PACRG: variants seen among roughly 807,000 people sequenced by gnomAD.
The protein encoded by PACRG is parkin coregulated.
A neutral mutation model predicts 29.7 loss-of-function variants in PACRG; 29 were observed. That is an observed-to-expected ratio of 0.98 (90% CI 0.73 to 1.33). PACRG has a LOEUF of 1.33. PACRG is among the 40% of genes most tolerant of loss of function. The probability of loss-of-function intolerance (pLI) is 0.00; values close to 1 mark genes in which losing one functional copy is unlikely to be tolerated. For synonymous variants in PACRG, 116 were observed against 118.7 expected, an observed-to-expected ratio of 0.98 and a Z score of 0.15; for missense variants, 279 against 316.2, an observed-to-expected ratio of 0.88 and a Z score of 0.89.
At chr6:162,881,908 T>C (rs1793886976) in intron 2 of PACRG, among the ~76,000 whole-genome samples, 1 of 111,754 alleles carries the variant, frequency 8.9e-6, no homozygotes, top group Non-Finnish European at 1.7e-5. Context: ...CTGAGGCCTC[T>C]CTCCACCAAG....
intron 4 of PACRG, among the ~76,000 whole-genome samples, chr6:163,246,531 T>C (rs1015060486): frequency 2.6e-5 from 4 of 152,192 alleles, no homozygotes; most frequent in African/African-American, 7.2e-5. Flanking sequence ...AATGTTTACA[T>C]AGCCGTTTGC....
chr6:162,774,498 A>T (rs1337933472), intron 1 of PACRG, among the ~76,000 whole-genome samples: 1 of 152,234 alleles, frequency 6.6e-6, no homozygotes, highest in Non-Finnish European at 1.5e-5. Context: ...TTTCTGATTG[A>T]TCATTATGTT....
intron 1 of PACRG, among the ~76,000 whole-genome samples, chr6:162,752,267 G>C (rs1440200556): frequency 1.3e-5 from 2 of 152,130 alleles, no homozygotes; most frequent in African/African-American, 4.8e-5. Flanking sequence ...GATGAACTCT[G>C]TTTTTAAAAA....
chr6:162,734,208 A>C (rs191036074), intron 1 of PACRG, among the ~76,000 whole-genome samples: 36 of 152,334 alleles, frequency 2.4e-4, no homozygotes, highest in Admixed American at 2.0e-3. Context: ...ATGCAGTATC[A>C]TAAAAGTTAC....
chr6:163,251,109 G>C (rs1782886444), intron 4 of PACRG, among the ~76,000 whole-genome samples: 1 of 152,020 alleles, frequency 6.6e-6, no homozygotes, highest in South Asian at 2.1e-4. Context: ...GGAGCTTAGG[G>C]GGAAGAGTGG....
chr6:163,263,169 A>G (rs199646924), intron 4 of PACRG, among the ~76,000 whole-genome samples: 1 of 137,046 alleles, frequency 7.3e-6, no homozygotes. Context: ...TACAGACCCC[A>G]GGAGGCCTTT....
intron 2 of PACRG, among the ~76,000 whole-genome samples, chr6:162,943,909 T>C (rs1798810980): frequency 6.6e-6 from 1 of 151,990 alleles, no homozygotes; most frequent in South Asian, 2.1e-4. Context: ...GTCATGCTGC[T>C]ACTACTGCCA....
At chr6:163,280,414 C>T (rs898240191) in intron 4 of PACRG, among the ~76,000 whole-genome samples, 18 of 148,830 alleles carry the variant, frequency 1.2e-4, no homozygotes, top group African/African-American at 4.4e-4. Context: ...TTATACTGTG[C>T]ACCACCCCAT....
At chr6:162,851,984 AAAGGGAGG>A (rs903687626) in intron 2 of PACRG, among the ~76,000 whole-genome samples, 1 of 113,136 alleles carries the variant, frequency 8.8e-6, no homozygotes, top group Admixed American at 1.0e-4. Flanking sequence ...AGAGAAAAGA[AAAGGGAGG>A]GAGGGAGGGA....
chr6:162,753,203 T>G (rs1300408135), intron 1 of PACRG, among the ~76,000 whole-genome samples: 1 of 152,112 alleles, frequency 6.6e-6, no homozygotes, highest in Non-Finnish European at 1.5e-5. Context: ...ATGTTTCTTC[T>G]TTCTACCTGA....
chr6:163,293,928 A>G (rs909197053), intron 4 of PACRG, among the ~76,000 whole-genome samples: 2 of 152,190 alleles, frequency 1.3e-5, no homozygotes, highest in African/African-American at 4.8e-5. Flanking sequence ...TCTAGTAACA[A>G]TAACTTCTAG....
At chr6:162,736,229 C>G (rs1780154156) in intron 1 of PACRG, among the ~76,000 whole-genome samples, 1 of 152,160 alleles carries the variant, frequency 6.6e-6, no homozygotes, top group Non-Finnish European at 1.5e-5. Flanking sequence ...AAAATATCAT[C>G]CACAAAAGAT....
At chr6:163,279,093 C>T (rs1784145937) in intron 4 of PACRG, among the ~76,000 whole-genome samples, 1 of 152,104 alleles carries the variant, frequency 6.6e-6, no homozygotes. Context: ...TTTCTTTTTG[C>T]ACCTCTTGTG....
At chr6:163,204,106 A>G (rs1780809075) in intron 4 of PACRG, among the ~76,000 whole-genome samples, 1 of 152,246 alleles carries the variant, frequency 6.6e-6, no homozygotes, top group African/African-American at 2.4e-5. Flanking sequence ...ATCCTGTGAT[A>G]GGGTTTGGGA....
intron 2 of PACRG, among the ~76,000 whole-genome samples, chr6:162,936,728 T>C (rs1047485970): frequency 2.0e-5 from 3 of 152,184 alleles, no homozygotes; most frequent in Non-Finnish European, 2.9e-5. Flanking sequence ...TAGACTGCTT[T>C]AACAATTATC....
intron 4 of PACRG, among the ~76,000 whole-genome samples, chr6:163,188,859 T>C (rs539694885): frequency 6.6e-6 from 1 of 152,232 alleles, no homozygotes; most frequent in Non-Finnish European, 1.5e-5. Flanking sequence ...AAAGCAAGCA[T>C]GGGCTTAGGA....
At chr6:163,217,475 A>G (rs1781407653) in intron 4 of PACRG, among the ~76,000 whole-genome samples, 1 of 152,154 alleles carries the variant, frequency 6.6e-6, no homozygotes, top group South Asian at 2.1e-4. Context: ...TTTGATCATG[A>G]TTCTCAAATA....
At chr6:163,012,733 C>T (rs1189749457) in intron 2 of PACRG, among the ~76,000 whole-genome samples, 1 of 152,226 alleles carries the variant, frequency 6.6e-6, no homozygotes, top group African/African-American at 2.4e-5. Flanking sequence ...TTATCATTCT[C>T]TAGTTATGGG....
chr6:163,191,013 A>G (rs1443582330), intron 4 of PACRG: 1 of 450,908 alleles, frequency 2.2e-6, no homozygotes, highest in East Asian at 7.0e-5. Flanking sequence ...TTTAGCATTT[A>G]TTAGAATACT....
Sources: allele counts gnomAD v4.1 joint callset (sites outside exome capture counted in the v4.1 genomes callset), GRCh38; gene constraint gnomAD v4.1.1; transcripts MANE v1.5; gene names NCBI Gene and HGNC (gene_info 2026-07-23, HGNC 2026-07-21).